Variants in FAM177A1 observed in about 807,000 individuals in gnomAD.
The protein encoded by FAM177A1 is family with sequence similarity 177 member A1.
FAM177A1 carries 22 observed loss-of-function variants against 26.1 expected under a neutral mutation model. The observed-to-expected ratio is 0.84, with a 90% confidence interval of 0.60 to 1.20. The LOEUF (loss-of-function observed/expected upper bound fraction) is 1.20. FAM177A1 is among the 50% of genes most tolerant of loss of function. The pLI is 0.00. For synonymous variants in FAM177A1, 95 were observed against 99.3 expected (o/e 0.96, Z 0.26); for missense variants, 296 against 291.1 (o/e 1.02, Z -0.12).
intron 2 of FAM177A1, among the ~76,000 whole-genome samples, chr14:35,058,899 C>CTGTTT (rs2045104355): frequency 6.6e-6 from 1 of 152,010 alleles, no homozygotes; most frequent in African/African-American, 2.4e-5. Flanking sequence ...AAAAAAAAGT[C>CTGTTT]TGTTTTGTCT....
chr14:35,076,401 T>C (rs191514947), intron 2 of FAM177A1, among the ~76,000 whole-genome samples: 3 of 151,696 alleles, frequency 2.0e-5, no homozygotes, highest in Non-Finnish European at 4.4e-5. Flanking sequence ...ATGAGAACAC[T>C]TGGACACAGG....
Position 35,058,617 on chromosome 14 carries a change from G to A in FAM177A1, c.339+5166G>A, listed in dbSNP as rs555250334. ...AGGTCTGGCATGGTGGCTCATGCCT[G>A]TAATCCCAGCACTTTGGGAGGCTGA... On this transcript the variant is annotated intron_variant, in intron 2 of 4. Transcript: ENST00000280987. Among the ~76,000 whole-genome samples the A allele has an allele frequency of 9.2e-5, 14 of 152,218 alleles. 1 individual carries two copies. The South Asian group carries it at 2.3e-3, about 25-fold the overall frequency.
chr14:35,053,717 C>T (rs141342481), intron 2 of FAM177A1, among the ~76,000 whole-genome samples: 226 of 152,218 alleles, frequency 1.5e-3, no homozygotes, highest in African/African-American at 5.1e-3. Flanking sequence ...ATCAGCCAGG[C>T]GCGGTGGCTC....
intron 2 of FAM177A1, among the ~76,000 whole-genome samples, chr14:35,070,623 C>T (rs1445595383): frequency 7.9e-5 from 12 of 152,098 alleles, no homozygotes; most frequent in Admixed American, 2.0e-4. Context: ...CCACCACACC[C>T]GGCGGAGCTA....
In FAM177A1 at chr14:35,067,443, G is replaced by A. The variant is rs1162716547; in HGVS notation, c.340-9707G>A. ...TCCATTCATCTGATATGGACACCTA[G>A]GTTGGTTCCATAATGTGGCCATTGT... On this transcript the variant is annotated intron_variant, in intron 2 of 4. Transcript: ENST00000280987. Among the ~76,000 whole-genome samples the A allele has an allele frequency of 2.6e-5, 4 of 152,240 alleles. No homozygotes were observed. The East Asian group carries it at 7.7e-4, about 29-fold the overall frequency.
At chr14:35,052,846 C>G in intron 1 of FAM177A1, among the ~76,000 whole-genome samples, 1 of 151,982 alleles carries the variant, frequency 6.6e-6, no homozygotes, top group Admixed American at 6.6e-5. Context: ...CACTTGAGGC[C>G]AGGAATTTGA....
intron 1 of FAM177A1, chr14:35,050,459 TG>T (rs2044947246): frequency 6.6e-6 from 1 of 151,724 alleles, no homozygotes; most frequent in Admixed American, 6.6e-5. Context: ...CTTCCTTCAT[TG>T]CCCCCCACCC....
Position 35,046,605 on chromosome 14 carries a change from G to T in FAM177A1, c.142G>T (p.Ala48Ser), listed in dbSNP as rs758790505. The part of the protein sequence containing the change: ...VAASGAAAAA[A>S]FGESAGQMSN... The stretch of plus-strand genomic sequence containing the variant: ...AGCCTCGGGAGCTGCGGCCGCCGCG[G>T]CATTCGGGGAATCTGCAGGGCAGGT... The change falls in exon 1 of 5, where the codon GCA becomes TCA. Residue 48 changes from alanine (A) to serine (S), a missense_variant. By Grantham distance (99) the Ala-to-Ser change is moderately conservative (BLOSUM62 1). Transcript: ENST00000280987. 1 of 1,550,724 alleles carries T rather than the reference G, an allele frequency of 6.4e-7. No homozygotes were observed. Among genetic ancestry groups the T allele is most frequent in the Non-Finnish European group, 8.7e-7 (1 of 1,148,476 alleles).
rs368549287 is a variant in FAM177A1, at chr14:35,053,251, C to A, written c.166-27C>A. On this transcript the variant is annotated intron_variant, in intron 1 of 4. Transcript: ENST00000280987. ...AAGAAAATTAATCTCACTTGAAACT[C>A]ATTTTCTTAAAATATCGTTGATATA... 3.0e-5 allele frequency: 48 copies of A among 1,576,782 alleles called. No homozygotes were observed. In the East Asian group the frequency reaches 1.0e-3, roughly 33 times the overall value.
intron 1 of FAM177A1, among the ~76,000 whole-genome samples, chr14:35,052,306 G>A (rs557240577): frequency 1.3e-4 from 20 of 151,290 alleles, no homozygotes; most frequent in East Asian, 9.7e-4. Context: ...GTGCAGTGGC[G>A]CGCCTTCCAG....
intron 2 of FAM177A1, among the ~76,000 whole-genome samples, chr14:35,061,649 A>G (rs2045159657): frequency 7.0e-6 from 1 of 143,702 alleles, no homozygotes; most frequent in African/African-American, 2.6e-5. Context: ...GCATTAGGAG[A>G]TATACCTAAT....
At chr14:35,046,941 T>TG in intron 1 of FAM177A1, 1 of 1,138,858 alleles carries the variant, frequency 8.8e-7, no homozygotes, top group South Asian at 3.0e-5. Context: ...GTCCTTGCAG[T>TG]AGCTGGAAGC....
At chr14:35,067,850 C>G (rs188611683) in intron 2 of FAM177A1, among the ~76,000 whole-genome samples, 12 of 152,188 alleles carry the variant, frequency 7.9e-5, no homozygotes, top group Admixed American at 3.3e-4. Flanking sequence ...CTGTTCAGGT[C>G]CTTAGCCTAG....
rs1039624829 is a variant in FAM177A1 at position 35,053,440 on chromosome 14, A to G, written c.328A>G (p.Thr110Ala). The G allele has an allele frequency of 2.5e-5, 40 of 1,613,882 alleles. No individual in the cohort carries two copies. Among genetic ancestry groups the G allele is most frequent in the Non-Finnish European group, 3.1e-5 (37 of 1,179,982 alleles). Reference protein sequence around the residue: ...DGLEKKDVLPTVDPTKLTWGP... With the variant: ...DGLEKKDVLPAVDPTKLTWGP... The stretch of plus-strand genomic sequence containing the variant: ...CCTGGAGAAGAAAGATGTTTTGCCT[A>G]CTGTTGATCCGGTAGGTTTGATATT... Residue 110 changes from threonine (T) to alanine (A), a missense_variant, in exon 2 of 5, where the codon ACT (threonine) becomes GCT (alanine). Coordinates refer to ENST00000280987, the MANE Select transcript of FAM177A1 (RefSeq NM_173607.5).
Position 35,046,322 on chromosome 14 carries a change from G to A in FAM177A1, c.-142G>A. The A allele has an allele frequency of 9.6e-7, 1 of 1,038,322 alleles. No homozygotes were observed. Among genetic ancestry groups the A allele is most frequent in the Non-Finnish European group, 1.3e-6 (1 of 767,852 alleles). The allele number at this position is 1,038,322 out of a possible 1,614,324, so 64.3% of individuals were successfully genotyped here. On this transcript the variant is annotated 5_prime_UTR_variant, in exon 1 of 5. Transcript: ENST00000280987. ...GTGCGGAGCCCGGCGGGCTAGGCGA[G>A]GCGCGGGCTGGCCCCGCCCCTCAGG...
chr14:35,081,012 T>C lies in FAM177A1; in HGVS notation c.505-10T>C, dbSNP rs752942805. 6 of 1,582,832 alleles carry C rather than the reference T, an allele frequency of 3.8e-6. No individual in the cohort carries two copies. Among genetic ancestry groups the C allele is most frequent in the Admixed American group, 3.6e-5 (2 of 54,826 alleles). On this transcript the variant is annotated splice_polypyrimidine_tract_variant and intron_variant, in intron 4 of 4. Transcript: ENST00000280987. ...TTTCAACTATTCTTGATATTGCTCCTTTTTTTTAGGAAGAAGAAGAAGAAG... is the reference window on the plus strand; with the variant it reads ...TTTCAACTATTCTTGATATTGCTCCCTTTTTTTAGGAAGAAGAAGAAGAAG...
intron 2 of FAM177A1, 113 bp from the exon 3 acceptor site, chr14:35,077,037 T>A: frequency 1.3e-6 from 1 of 788,142 alleles, no homozygotes; most frequent in Non-Finnish European, 2.2e-6. Context: ...CTCTTTGTAG[T>A]ACTGCCTATA....
rs374710644 is a variant in FAM177A1 at position 35,081,181 on chromosome 14, G to A, written c.664G>A (p.Glu222Lys). ...CAATTTTGAAATGGAGGGAGACAGTGAAGTAATTATGGAAAGCAAGCAAAA... is the reference window on the plus strand; with the variant it reads ...CAATTTTGAAATGGAGGGAGACAGTAAAGTAATTATGGAAAGCAAGCAAAA... ...NVNFEMEGDS[E>K]VIMESKQNPV... The change falls in exon 5 of 5, where the codon GAA (glutamate) becomes AAA (lysine). Residue 222 changes from glutamate to lysine, a missense_variant. Transcript: ENST00000280987. 1.2e-5 allele frequency: 20 copies of A among 1,613,194 alleles called. No individual in the cohort carries two copies. The highest frequency in any genetic ancestry group is 4.0e-5 in the African/African-American group (3 of 74,810).
At chr14:35,045,616 CA>C (rs2139049836), upstream of FAM177A1, among the ~76,000 whole-genome samples, 1 of 152,274 alleles carries the variant, frequency 6.6e-6, no homozygotes, top group South Asian at 2.1e-4. Context: ...GCTAAAACAA[CA>C]ATATACCATT....
Sources: allele counts gnomAD v4.1 joint callset (sites outside exome capture counted in the v4.1 genomes callset), GRCh38; gene constraint gnomAD v4.1.1; transcripts MANE v1.5; gene names NCBI Gene and HGNC (gene_info 2026-07-23, HGNC 2026-07-21).